THSD7B: variants seen among roughly 807,000 people sequenced by gnomAD.
THSD7B encodes the protein thrombospondin type 1 domain containing 7B, also known as thrombospondin type-1 domain-containing protein 7B.
Under a neutral mutation model 213.6 loss-of-function variants are expected in THSD7B, and 138 were observed. That is an observed-to-expected ratio of 0.65 (90% CI 0.56 to 0.74). THSD7B has a LOEUF of 0.74. Ranked by LOEUF, THSD7B falls within the 30% of genes least tolerant of loss-of-function variation. The probability of loss-of-function intolerance (pLI) is 0.00; values close to 1 mark genes in which losing one functional copy is unlikely to be tolerated. For synonymous variants in THSD7B, 742 were observed against 687.0 expected (o/e 1.08, Z -1.25); for missense variants, 1,931 against 1,991.5 (o/e 0.97, Z 0.58).
chr2:137,064,950 G>GT (rs796699254), intron 3 of THSD7B, among the ~76,000 whole-genome samples: 148 of 147,440 alleles, frequency 1.0e-3, no homozygotes, highest in African/African-American at 1.6e-3. Flanking sequence ...GATTCCTCCA[G>GT]TTTTTTTTTT....
At chr2:137,540,710 G>A (rs894879517) in intron 15 of THSD7B, among the ~76,000 whole-genome samples, 2 of 151,698 alleles carry the variant, frequency 1.3e-5, no homozygotes, top group African/African-American at 4.8e-5. Flanking sequence ...TAGAGAAACA[G>A]CTGTTTAGTC....
At chr2:137,645,214 A>T in intron 21 of THSD7B, among the ~76,000 whole-genome samples, 1 of 152,332 alleles carries the variant, frequency 6.6e-6, no homozygotes, top group Admixed American at 6.5e-5. Context: ...AGTAATAGAC[A>T]TAAGTTAAGA....
chr2:137,381,461 A>C (rs1685774225), intron 12 of THSD7B, among the ~76,000 whole-genome samples: 2 of 152,182 alleles, frequency 1.3e-5, no homozygotes. Flanking sequence ...AGCTTCTGTG[A>C]ATGGGGACCT....
At chr2:137,029,078 C>CTTTTTTT (rs11443045) in intron 2 of THSD7B, among the ~76,000 whole-genome samples, 3 of 121,012 alleles carry the variant, frequency 2.5e-5, no homozygotes, top group African/African-American at 3.2e-5. Context: ...TCTTTGTAAG[C>CTTTTTTT]TTTTTTTTTT....
chr2:137,025,504 T>C (rs561218557), intron 2 of THSD7B, among the ~76,000 whole-genome samples: 22 of 152,228 alleles, frequency 1.4e-4, no homozygotes, highest in African/African-American at 5.3e-4. Flanking sequence ...AACAAATAGA[T>C]CCCCAAATAG....
intron 1 of THSD7B, among the ~76,000 whole-genome samples, chr2:136,819,481 C>T (rs999369437): frequency 3.3e-5 from 5 of 152,098 alleles, no homozygotes; most frequent in Admixed American, 6.5e-5. Context: ...TAGGGATTTA[C>T]TCAGGAATAA....
At chr2:136,806,787 G>T (rs557249782) in intron 1 of THSD7B, among the ~76,000 whole-genome samples, 2 of 152,240 alleles carry the variant, frequency 1.3e-5, no homozygotes, top group East Asian at 3.9e-4. Flanking sequence ...CTCTGTTCCA[G>T]GGTCCCACCC....
chr2:137,342,628 A>G (rs1684786328), intron 12 of THSD7B, among the ~76,000 whole-genome samples: 1 of 151,662 alleles, frequency 6.6e-6, no homozygotes, highest in Admixed American at 6.6e-5. Flanking sequence ...ACTGTTGAAT[A>G]TAATATTAGC....
At chr2:137,603,296 A>T (rs1348963536) in intron 17 of THSD7B, among the ~76,000 whole-genome samples, 1 of 152,238 alleles carries the variant, frequency 6.6e-6, no homozygotes, top group African/African-American at 2.4e-5. Context: ...GAAGAGACTG[A>T]GACATGGAGA....
intron 2 of THSD7B, among the ~76,000 whole-genome samples, chr2:136,908,000 G>T (rs1389425658): frequency 6.6e-6 from 1 of 152,086 alleles, no homozygotes; most frequent in East Asian, 1.9e-4. Context: ...TTGCCTAAAG[G>T]TTTGGTATCT....
intron 25 of THSD7B, among the ~76,000 whole-genome samples, chr2:137,661,666 C>A (rs1683346895): frequency 6.6e-6 from 1 of 152,068 alleles, no homozygotes; most frequent in East Asian, 1.9e-4. Flanking sequence ...AGTTTCAGAG[C>A]AGGAAAGAAA....
intron 17 of THSD7B, among the ~76,000 whole-genome samples, chr2:137,584,696 A>G (rs1193436624): frequency 2.0e-5 from 3 of 152,148 alleles, no homozygotes; most frequent in African/African-American, 7.2e-5. Flanking sequence ...CCAGTTGATC[A>G]TGGTGGATAA....
intron 12 of THSD7B, among the ~76,000 whole-genome samples, chr2:137,393,212 A>C (rs1686082218): frequency 6.8e-6 from 1 of 147,670 alleles, no homozygotes; most frequent in South Asian, 2.1e-4. Context: ...CACATTGTGC[A>C]GGTTAGTTAC....
At chr2:137,100,368 A>G (rs558349046) in intron 4 of THSD7B, among the ~76,000 whole-genome samples, 2 of 152,134 alleles carry the variant, frequency 1.3e-5, no homozygotes, top group East Asian at 3.9e-4. Context: ...TGTCTTAAGA[A>G]TCTTGTTTGA....
intron 2 of THSD7B, among the ~76,000 whole-genome samples, chr2:137,023,921 G>GTTT (rs34578587): frequency 0.019 from 2,786 of 147,484 alleles, 78 homozygotes; most frequent in African/African-American, 0.066. Flanking sequence ...CGTCCTTCTA[G>GTTT]TTTTTTTTTT....
intron 15 of THSD7B, among the ~76,000 whole-genome samples, chr2:137,546,397 ATATATATTATATATATAT>A (rs1680718380): frequency 7.7e-5 from 3 of 38,918 alleles, no homozygotes; most frequent in Admixed American, 4.4e-4. Context: ...TATATATATT[ATATATATTATATATATAT>A]TATATATATT....
chr2:136,866,778 G>A (rs1683340843), intron 1 of THSD7B, among the ~76,000 whole-genome samples: 1 of 152,182 alleles, frequency 6.6e-6, no homozygotes, highest in South Asian at 2.1e-4. Context: ...GCAACAGTCT[G>A]GAAAGTATTT....
At chr2:137,313,603 G>A (rs868287362) in intron 12 of THSD7B, among the ~76,000 whole-genome samples, 4 of 150,492 alleles carry the variant, frequency 2.7e-5, no homozygotes, top group East Asian at 2.0e-4. Context: ...TCCTAGTCTC[G>A]ATGGTCTTTA....
chr2:137,513,886 TG>T (rs1400417901), intron 15 of THSD7B, among the ~76,000 whole-genome samples: 26 of 152,336 alleles, frequency 1.7e-4, no homozygotes, highest in African/African-American at 6.0e-4. Flanking sequence ...ATGTCAATTG[TG>T]CCAGACACAC....
Sources: gnomAD v4.1 joint callset for allele counts (sites outside exome capture counted in the v4.1 genomes callset) on GRCh38, gnomAD v4.1.1 for gene constraint, MANE v1.5 for transcripts, NCBI Gene and HGNC (gene_info 2026-07-23, HGNC 2026-07-21) for gene names.